Variants in TRPC4 observed in about 807,000 individuals in gnomAD.
TRPC4 encodes short transient receptor potential channel 4.
TRPC4 carries 49 observed loss-of-function variants against 99.4 expected under a neutral mutation model. That is an observed-to-expected ratio of 0.49 (90% CI 0.39 to 0.63). The LOEUF is 0.63. Among genes scored for constraint, TRPC4 ranks in the 20% least tolerant of loss-of-function variants. The pLI is 0.00. For missense variants in TRPC4, 898 were observed against 1,152.9 expected (o/e 0.78, Z 3.20); for synonymous variants, 454 against 425.9 (o/e 1.07, Z -0.81).
intron 5 of TRPC4, among the ~76,000 whole-genome samples, chr13:37,671,603 G>A (rs1420386370): frequency 1.3e-5 from 2 of 151,710 alleles, no homozygotes; most frequent in Non-Finnish European, 1.5e-5. Context: ...AACTAATTTA[G>A]TGTGCTTATT....
chr13:37,679,761 G>A (rs777166294), intron 4 of TRPC4, among the ~76,000 whole-genome samples: 11 of 152,050 alleles, frequency 7.2e-5, no homozygotes, highest in Non-Finnish European at 1.5e-4. Context: ...GATAGAATTG[G>A]GACATAATTG....
At chr13:37,714,144 C>CT (rs796216112) in intron 3 of TRPC4, among the ~76,000 whole-genome samples, 24 of 149,008 alleles carry the variant, frequency 1.6e-4, no homozygotes, top group African/African-American at 3.5e-4. Flanking sequence ...TTTTCTCTCT[C>CT]TTTTTTTTGT....
intron 3 of TRPC4, 90 bp downstream of exon 3, chr13:37,745,847 A>C: frequency 7.8e-5 from 114 of 1,466,260 alleles, no homozygotes; most frequent in Middle Eastern, 1.8e-4. Context: ...AAAATGCTCT[A>C]AAACCCAAAA....
At chr13:37,786,289 GACACACACACACACAC>G (rs10549960) in intron 1 of TRPC4, among the ~76,000 whole-genome samples, 128 of 141,052 alleles carry the variant, frequency 9.1e-4, no homozygotes, top group East Asian at 6.8e-3. Flanking sequence ...CAGGGAGAAA[GACACACACACACACAC>G]ACACACACAC....
chr13:37,694,372 AT>A (rs1270776264), intron 3 of TRPC4, among the ~76,000 whole-genome samples: 2 of 152,174 alleles, frequency 1.3e-5, no homozygotes, highest in African/African-American at 2.4e-5. Flanking sequence ...AAAGAAAGTT[AT>A]GTACTTTGTT....
intron 2 of TRPC4, among the ~76,000 whole-genome samples, chr13:37,773,156 A>G (rs2008441): frequency 0.89 from 135,670 of 151,644 alleles, 61,391 homozygotes; most frequent in Non-Finnish European, 0.96. Context: ...AACTCTCTAT[A>G]CTGCTTGGTG....
intron 8 of TRPC4, among the ~76,000 whole-genome samples, chr13:37,646,043 G>A (rs2138576634): frequency 6.6e-6 from 1 of 152,318 alleles, no homozygotes; most frequent in South Asian, 2.1e-4. Context: ...GATACATTTT[G>A]ACAAATCGCC....
intron 1 of TRPC4, among the ~76,000 whole-genome samples, chr13:37,808,620 C>T (rs985934348): frequency 4.6e-5 from 7 of 151,980 alleles, no homozygotes; most frequent in Admixed American, 6.6e-5. Flanking sequence ...GGGTAGGGCA[C>T]ATCCGATGAC....
At chr13:37,670,589 CAGATG>C (rs1281482644) in intron 5 of TRPC4, among the ~76,000 whole-genome samples, 1 of 152,142 alleles carries the variant, frequency 6.6e-6, no homozygotes, top group Non-Finnish European at 1.5e-5. Context: ...ACATATCTTC[CAGATG>C]TTACTACCTA....
chr13:37,793,916 A>G (rs544054262), intron 1 of TRPC4, among the ~76,000 whole-genome samples: 1 of 152,316 alleles, frequency 6.6e-6, no homozygotes, highest in South Asian at 2.1e-4. Flanking sequence ...TGTGCATAAA[A>G]GTAAACACAA....
At chr13:37,741,685 A>G (rs1955594013) in intron 3 of TRPC4, among the ~76,000 whole-genome samples, 1 of 152,180 alleles carries the variant, frequency 6.6e-6, no homozygotes, top group Non-Finnish European at 1.5e-5. Flanking sequence ...TCATGTCAAA[A>G]TGCAAGGCTT....
At chr13:37,654,296 T>C (rs1010228169) in intron 7 of TRPC4, among the ~76,000 whole-genome samples, 22 of 152,172 alleles carry the variant, frequency 1.4e-4, no homozygotes, top group African/African-American at 5.3e-4. Flanking sequence ...GATTATAAAA[T>C]GCTACTTGTC....
intron 1 of TRPC4, among the ~76,000 whole-genome samples, chr13:37,839,728 C>A (rs1482083907): frequency 4.6e-5 from 7 of 152,106 alleles, no homozygotes; most frequent in Admixed American, 4.6e-4. Flanking sequence ...ATATGAGGAT[C>A]AAGATTCAAA....
intron 1 of TRPC4, among the ~76,000 whole-genome samples, chr13:37,844,585 G>A (rs1485536046): frequency 6.6e-6 from 1 of 152,176 alleles, no homozygotes; most frequent in Non-Finnish European, 1.5e-5. Flanking sequence ...GTGAGCCACT[G>A]CTCCACGCCA....
chr13:37,844,926 G>A (rs944777967), intron 1 of TRPC4, among the ~76,000 whole-genome samples: 1 of 151,950 alleles, frequency 6.6e-6, no homozygotes, highest in African/African-American at 2.4e-5. Flanking sequence ...CTTCCCAACT[G>A]CAGATTTCAA....
At position 37,746,078 on chromosome 13, in the gene TRPC4, A is replaced by C. The variant is rs770402653; in HGVS notation, c.756T>G (p.Ala252=). Reference sequence around the variant, plus strand: ...TTCTCGTCTGATCCAGTAGGTCCTTAGCAAATTGTTTGCACTGCCGTGACA... The same window carrying C: ...TTCTCGTCTGATCCAGTAGGTCCTTCGCAAATTGTTTGCACTGCCGTGACA... ...EELSRQCKQF[A]KDLLDQTRSS... Residue 252 remains alanine (A), a synonymous_variant, in exon 3 of 11, where the codon GCT becomes GCG. Coordinates refer to ENST00000379705, the MANE Select transcript of TRPC4 (RefSeq NM_016179.4). 6.2e-7 allele frequency: 1 copy of C among 1,613,944 alleles called. No individual in the cohort carries two copies. The highest frequency in any genetic ancestry group is 1.7e-5 in the Admixed American group (1 of 60,008).
At chr13:37,674,118 G>C in intron 5 of TRPC4, 110 bp downstream of exon 5, 1 of 1,036,884 alleles carries the variant, frequency 9.6e-7, no homozygotes, top group Non-Finnish European at 1.3e-6. Flanking sequence ...TGATGAATAC[G>C]ACATCCGGAA....
Position 37,782,994 on chromosome 13 carries a change from G to C in TRPC4, c.340C>G (p.Leu114Val), listed in dbSNP as rs746877185. ...IRKEVVGAVE[L>V]LLNHKKPSGE... The stretch of plus-strand genomic sequence containing the variant: ...CTAGGTTTTTTGTGGTTCAATAACA[G>C]CTCAACAGCTCCGACGACTTCTTTT... Residue 114 changes from leucine (L) to valine (V), a missense_variant, in exon 2 of 11, where the codon CTG becomes GTG. Coordinates refer to ENST00000379705, the MANE Select transcript of TRPC4 (RefSeq NM_016179.4). 4.4e-6 allele frequency: 7 copies of C among 1,592,156 alleles called. No individual in the cohort carries two copies. The South Asian group carries it at 6.9e-5, about 16-fold the overall frequency.
intron 2 of TRPC4, among the ~76,000 whole-genome samples, chr13:37,758,296 G>A (rs936360500): frequency 2.6e-5 from 4 of 151,804 alleles, no homozygotes; most frequent in Non-Finnish European, 5.9e-5. Flanking sequence ...ATCCAACAGT[G>A]TATCAAAGGA....
Sources: gnomAD v4.1 joint callset for allele counts (sites outside exome capture counted in the v4.1 genomes callset) on GRCh38, gnomAD v4.1.1 for gene constraint, MANE v1.5 for transcripts, NCBI Gene and HGNC (gene_info 2026-07-23, HGNC 2026-07-21) for gene names.